The following AKAP9 variants were observed in gnomAD, a reference collection of about 807,000 sequenced individuals.
AKAP9 encodes A-kinase anchor protein 9.
In AKAP9, 311 loss-of-function variants were observed where a neutral mutation model predicts 488.5. That is an observed-to-expected ratio of 0.64 (90% CI 0.58 to 0.70). The LOEUF (loss-of-function observed/expected upper bound fraction) is 0.70, where lower values mean the gene tolerates loss of function less well. AKAP9 is among the 30% of genes least tolerant of loss of function. AKAP9 has a pLI of 0.00. For missense variants in AKAP9, 4,215 were observed against 4,374.5 expected (o/e 0.96, Z 1.03); for synonymous variants, 1,462 against 1,483.5 (o/e 0.99, Z 0.33).
intron 18 of AKAP9, chr7:92,041,551 A>C (rs1189743636): frequency 6.3e-6 from 1 of 157,498 alleles, no homozygotes; most frequent in Non-Finnish European, 1.4e-5. Context: ...TGCTGTATAA[A>C]ATATACTCAC....
intron 1 of AKAP9, among the ~76,000 whole-genome samples, chr7:91,954,870 G>A (rs1389021607): frequency 6.6e-6 from 1 of 152,036 alleles, no homozygotes; most frequent in Non-Finnish European, 1.5e-5. Flanking sequence ...TACTTTACTT[G>A]GTGTGGAACT....
At chr7:92,089,661 G>T in intron 38 of AKAP9, 132 bp downstream of exon 38, 1 of 1,041,742 alleles carries the variant, frequency 9.6e-7, no homozygotes, top group Non-Finnish European at 1.4e-6. Flanking sequence ...TAATGTTAAG[G>T]ATACAATCTA....
In AKAP9 at chr7:92,107,393, T is replaced by C. The variant is rs1467899306; in HGVS notation, c.11517T>C (p.Tyr3839=). The C allele has an allele frequency of 6.2e-7, 1 of 1,613,752 alleles. No homozygotes were observed. Among genetic ancestry groups the C allele is most frequent in the Non-Finnish European group, 8.5e-7 (1 of 1,179,796 alleles). Residue 3839 remains tyrosine, a synonymous_variant, in exon 48 of 50, where the codon TAT becomes TAC. Coordinates refer to ENST00000356239, the MANE Select transcript of AKAP9 (RefSeq NM_005751.5). The part of the protein sequence containing the change: ...TTYRSRSDLD[Y]IRSPLPFQNR... ...ATCGCTCAAGATCAGATCTGGACTA[T>C]ATTAGGTCCCCTTTACCATTTCAGA...
At chr7:92,014,624 G>A (rs1019259546) in intron 10 of AKAP9, among the ~76,000 whole-genome samples, 5 of 151,960 alleles carry the variant, frequency 3.3e-5, no homozygotes, top group Admixed American at 1.3e-4. Flanking sequence ...GTGGGACTCT[G>A]TCTCAAAAAA....
At chr7:92,095,234 G>C in intron 40 of AKAP9, 61 bp downstream of exon 40, 1 of 1,587,756 alleles carries the variant, frequency 6.3e-7, no homozygotes, top group South Asian at 1.1e-5. Flanking sequence ...AGGGTCTTAA[G>C]GCTTTCCTCC....
At chr7:92,099,404 C>T (rs75264690) in intron 43 of AKAP9, among the ~76,000 whole-genome samples, 1 of 152,160 alleles carries the variant, frequency 6.6e-6, no homozygotes, top group Admixed American at 6.6e-5. Flanking sequence ...CGTGACTCTC[C>T]ATTGCCTACA....
rs151038875 is a variant in AKAP9 at position 92,002,989 on chromosome 7, G to C, written c.3072G>C (p.Val1024=). 130 of 1,613,338 alleles carry C rather than the reference G, an allele frequency of 8.1e-5. No individual in the cohort carries two copies. In the African/African-American group the frequency reaches 1.5e-3, roughly 18 times the overall value. Residue 1024 remains valine (V), a synonymous_variant, in exon 8 of 50, where the codon GTG becomes GTC. Transcript: ENST00000356239. ...TAAGCTCTTTATTAGATGGAGTTGT[G>C]ACCATGACAAGCAGGGGTGCTGAAG... ...TQVSSLLDGV[V]TMTSRGAEGS...
chr7:91,985,114 T>C (rs1217191006), intron 3 of AKAP9, among the ~76,000 whole-genome samples: 1 of 152,220 alleles, frequency 6.6e-6, no homozygotes, highest in Non-Finnish European at 1.5e-5. Flanking sequence ...TTTCTTTCTC[T>C]TGTCTGATTG....
intron 3 of AKAP9, among the ~76,000 whole-genome samples, chr7:91,990,513 A>C (rs1797623562): frequency 6.6e-6 from 1 of 152,106 alleles, no homozygotes; most frequent in Non-Finnish European, 1.5e-5. Flanking sequence ...TTATTATAAC[A>C]TAAATATGTT....
intron 26 of AKAP9, among the ~76,000 whole-genome samples, chr7:92,069,744 G>C (rs1811372552): frequency 6.6e-6 from 1 of 152,164 alleles, no homozygotes. Context: ...ACCTGGGCTT[G>C]TTGGTGTGCA....
chr7:92,042,072 G>T lies in AKAP9; in HGVS notation c.4944G>T (p.Leu1648=). The change falls in exon 19 of 50, where the codon CTG becomes CTT. Residue 1648 remains leucine, a synonymous_variant. Coordinates refer to ENST00000356239, the MANE Select transcript of AKAP9 (RefSeq NM_005751.5). The part of the protein sequence containing the change: ...AQRSSIDNEN[L]VSERERVLLE... ...GATCCTCCATAGATAATGAAAACCT[G>T]GTTTCAGAGAGAGAGAGGGTGCTTT... The T allele has an allele frequency of 1.2e-6, 2 of 1,613,768 alleles. No homozygotes were observed. The highest frequency in any genetic ancestry group is 1.7e-6 in the Non-Finnish European group (2 of 1,179,866).
rs1488574595 is a variant in AKAP9, at chr7:92,095,117, G to C, written c.9673G>C (p.Glu3225Gln). 1 of 1,614,170 alleles carries C rather than the reference G, an allele frequency of 6.2e-7. No individual in the cohort carries two copies. Among genetic ancestry groups the C allele is most frequent in the African/African-American group, 1.3e-5 (1 of 75,056 alleles). ...KKSRELQWAL[E>Q]KEKAKLGRSE... ...ATCAAGAGAGCTCCAGTGGGCTTTG[G>C]AGAAAGAGAAAGCCAAGTTGGGACG... The change falls in exon 40 of 50, where the codon GAG (glutamate) becomes CAG (glutamine). Residue 3225 changes from glutamate to glutamine, a missense_variant. Transcript: ENST00000356239.
intron 21 of AKAP9, among the ~76,000 whole-genome samples, chr7:92,048,400 A>AGGGAAAT (rs1807363703): frequency 6.6e-6 from 1 of 152,198 alleles, no homozygotes; most frequent in African/African-American, 2.4e-5. Flanking sequence ...ATGAAATTGA[A>AGGGAAAT]GGGAAATTTT....
intron 1 of AKAP9, among the ~76,000 whole-genome samples, chr7:91,961,073 AC>A (rs1323888377): frequency 6.6e-6 from 1 of 152,222 alleles, no homozygotes; most frequent in African/African-American, 2.4e-5. Flanking sequence ...CATGTCTAGC[AC>A]AGTGCCTGGC....
At chr7:91,992,678 A>AAAAAAAAAAAAC (rs1797918332) in intron 4 of AKAP9, among the ~76,000 whole-genome samples, 1 of 143,720 alleles carries the variant, frequency 7.0e-6, no homozygotes, top group African/African-American at 2.6e-5. Flanking sequence ...AAAAAAAAAA[A>AAAAAAAAAAAAC]AAAAAAACTC....
In AKAP9 at chr7:92,001,333, GA is replaced by G. The variant is rs1799155365; in HGVS notation, c.1418del (p.Asn473MetfsTer3). ...AAACACGGCATAAGGGAGAAATGGA[GA>G]ATGCTTTAAGGTCATATTCAAATAT... ...MKTRHKGEME[N>X]ALRSYSNITV... On this transcript the variant is annotated frameshift_variant, in exon 8 of 50. Transcript: ENST00000356239. LOFTEE classifies it high-confidence loss of function. The G allele has an allele frequency of 6.2e-7, 1 of 1,613,734 alleles. No individual in the cohort carries two copies. Among genetic ancestry groups the G allele is most frequent in the African/African-American group, 1.3e-5 (1 of 74,922 alleles).
chr7:91,978,839 C>T (rs1796029212), intron 2 of AKAP9, among the ~76,000 whole-genome samples: 1 of 151,688 alleles, frequency 6.6e-6, no homozygotes, highest in Non-Finnish European at 1.5e-5. Context: ...TCACCACAAG[C>T]TCTCCCTTCC....
In AKAP9 at chr7:92,042,088, A is replaced by T. The variant is rs757996597; in HGVS notation, c.4960A>T (p.Arg1654Trp). The T allele has an allele frequency of 6.2e-7, 1 of 1,613,758 alleles. No individual in the cohort carries two copies. The highest frequency in any genetic ancestry group is 1.3e-5 in the African/African-American group (1 of 74,874). ...TGAAAACCTGGTTTCAGAGAGAGAG[A>T]GGGTGCTTTTAGAGGAGCTGGAAGC... is the stretch of plus-strand genomic sequence containing the variant. ...DNENLVSERERVLLEELEALK... is the reference protein window; with the variant it reads ...DNENLVSEREWVLLEELEALK... The change falls in exon 19 of 50, where the codon AGG becomes TGG. Residue 1654 changes from arginine to tryptophan, a missense_variant. Arg to Trp is a moderately radical substitution (Grantham distance 101). Around this residue, in one of 5 missense-constraint regions of AKAP9, gnomAD observed 2,361 missense variants for 2,430.0 expected, o/e 0.97. Coordinates refer to ENST00000356239, the MANE Select transcript of AKAP9 (RefSeq NM_005751.5).
rs552773796 is a variant in AKAP9, at chr7:92,069,907, A to G, written c.6331-123A>G. ...ACTCCATTTCTTAAACAGACAAACAAAAACGTTTCAGATTTTGGAGCATTT... is the reference window on the plus strand; with the variant it reads ...ACTCCATTTCTTAAACAGACAAACAGAAACGTTTCAGATTTTGGAGCATTT... On this transcript the variant is annotated intron_variant, in intron 26 of 49. Transcript: ENST00000356239. 2.1e-5 allele frequency: 18 copies of G among 875,088 alleles called. No individual in the cohort carries two copies. In the East Asian group the frequency reaches 4.7e-4, roughly 23 times the overall value. The allele number at this position is 875,088 out of a possible 1,614,324, so 54.2% of individuals were successfully genotyped here.
Sources: allele counts gnomAD v4.1 joint callset (sites outside exome capture counted in the v4.1 genomes callset), GRCh38; gene constraint gnomAD v4.1.1; regional missense constraint gnomAD v4.1.1; transcripts MANE v1.5; gene names NCBI Gene and HGNC (gene_info 2026-07-23, HGNC 2026-07-21).